Variants in AK4 observed in about 807,000 individuals in gnomAD.
AK4 encodes adenylate kinase 4, mitochondrial.
A neutral mutation model predicts 24.6 loss-of-function variants in AK4; 13 were observed. The observed-to-expected ratio is 0.53, with a 90% CI of 0.34 to 0.84. AK4 has a LOEUF of 0.84. AK4 is among the 40% of genes least tolerant of loss of function. The pLI, the probability that AK4 is intolerant of heterozygous loss-of-function variation, is 0.01. For synonymous variants in AK4, 88 were observed against 107.0 expected (o/e 0.82, Z 1.10); for missense variants, 192 against 288.2 (o/e 0.67, Z 2.42).
At chr1:65,152,380 ATATATTTTTTTTTTTTTTTTTTTTTTT>A (rs1649822715) in intron 1 of AK4, among the ~76,000 whole-genome samples, 2 of 44,002 alleles carry the variant, frequency 4.5e-5, no homozygotes, top group Non-Finnish European at 8.7e-5. Context: ...ATATATATAT[ATATATTTTTTTTTTTTTTTTTTTTTTT>A]TTTTTTTTTT....
At chr1:65,154,466 C>G in intron 1 of AK4, 11 of 511,706 alleles carry the variant, frequency 2.1e-5, no homozygotes, top group South Asian at 1.6e-4. Context: ...TCTTGTTGCA[C>G]TCCTGACAGC....
intron 2 of AK4, among the ~76,000 whole-genome samples, chr1:65,200,074 A>G (rs1651615287): frequency 1.3e-5 from 2 of 150,954 alleles, no homozygotes; most frequent in South Asian, 2.1e-4. Context: ...AAGAAAGTGT[A>G]TCTACTTCAC....
At position 65,168,771 on chromosome 1, in the gene AK4, C is replaced by G. The variant is rs113091602; in HGVS notation, c.145+20219C>G. On this transcript the variant is annotated intron_variant, in intron 1 of 4. Coordinates refer to ENST00000327299, the MANE Select transcript of AK4 (RefSeq NM_013410.4). ...ACTCCAGGTTACTCAAATCTGTAGT[C>G]CTGTCCTTTGAGTTGGGCCAGAGAT... Among the ~76,000 whole-genome samples the G allele has an allele frequency of 4.6e-3, 695 of 152,270 alleles. 3 individuals are homozygous for G. Among genetic ancestry groups the G allele is most frequent in the Middle Eastern group, 0.01 (3 of 294 alleles).
At chr1:65,166,395 C>T (rs1650330987) in intron 1 of AK4, among the ~76,000 whole-genome samples, 1 of 151,466 alleles carries the variant, frequency 6.6e-6, no homozygotes, top group African/African-American at 2.4e-5. Context: ...TTTGTAAACC[C>T]CCTATTAGTT....
At chr1:65,151,625 C>T (rs958242685) in intron 1 of AK4, among the ~76,000 whole-genome samples, 13 of 152,148 alleles carry the variant, frequency 8.5e-5, no homozygotes, top group Admixed American at 7.9e-4. Context: ...AGGCAAAGTA[C>T]CTAATGTATA....
intron 2 of AK4, among the ~76,000 whole-genome samples, chr1:65,212,207 C>T (rs184582638): frequency 2.6e-3 from 395 of 152,276 alleles, no homozygotes; most frequent in South Asian, 4.1e-3. Flanking sequence ...ATAAGGGATG[C>T]TCTACAAATG....
intron 3 of AK4, 50 bp downstream of exon 3, chr1:65,218,976 A>C (rs1412189104): frequency 7.0e-7 from 1 of 1,419,426 alleles, no homozygotes; most frequent in African/African-American, 1.5e-5. Flanking sequence ...AAGACAAACA[A>C]TTTCCATTGA....
intron 2 of AK4, among the ~76,000 whole-genome samples, chr1:65,207,097 T>G (rs1315092022): frequency 6.6e-6 from 1 of 152,238 alleles, no homozygotes; most frequent in East Asian, 1.9e-4. Flanking sequence ...ACTTGTGGTT[T>G]AAAACCAAAT....
At chr1:65,205,961 C>T (rs1394148461) in intron 2 of AK4, among the ~76,000 whole-genome samples, 1 of 152,190 alleles carries the variant, frequency 6.6e-6, no homozygotes, top group African/African-American at 2.4e-5. Flanking sequence ...GGCCCTTGCA[C>T]TTACTGTTCC....
At chr1:65,170,943 TTG>T (rs1273912911) in intron 1 of AK4, among the ~76,000 whole-genome samples, 3 of 149,534 alleles carry the variant, frequency 2.0e-5, no homozygotes, top group African/African-American at 7.5e-5. Flanking sequence ...TTGGTTTGTC[TTG>T]TCTTCTTCCT....
chr1:65,183,795 T>C (rs1650995310), intron 1 of AK4, among the ~76,000 whole-genome samples: 1 of 152,080 alleles, frequency 6.6e-6, no homozygotes. Context: ...CTTAAGATGA[T>C]GCAGAATGTG....
At chr1:65,223,349 C>G (rs150474185) in intron 3 of AK4, among the ~76,000 whole-genome samples, 2,385 of 152,002 alleles carry the variant, frequency 0.016, 25 homozygotes, top group Non-Finnish European at 0.025. Flanking sequence ...CCACCACACC[C>G]GGCTAATTTT....
chr1:65,153,387 A>G (rs953935505), intron 1 of AK4, among the ~76,000 whole-genome samples: 9 of 152,054 alleles, frequency 5.9e-5, no homozygotes, highest in Admixed American at 3.3e-4. Flanking sequence ...GTCTTACCTC[A>G]GCCCCTTAAG....
intron 1 of AK4, among the ~76,000 whole-genome samples, chr1:65,154,122 GAGC>G (rs1157356374): frequency 6.6e-6 from 1 of 152,202 alleles, no homozygotes; most frequent in Non-Finnish European, 1.5e-5. Flanking sequence ...TGACTCAGGT[GAGC>G]AAGAGGGAGA....
chr1:65,225,563 C>T (rs973816516), intron 4 of AK4, among the ~76,000 whole-genome samples: 2 of 152,128 alleles, frequency 1.3e-5, no homozygotes, highest in African/African-American at 4.8e-5. Flanking sequence ...ACATGCAAGT[C>T]AAACAAAACT....
At chr1:65,148,699 G>A (rs1649656449) in intron 1 of AK4, 147 bp downstream of exon 1, 1 of 1,205,802 alleles carries the variant, frequency 8.3e-7, no homozygotes, top group Non-Finnish European at 1.1e-6. Flanking sequence ...GCATGCAGCT[G>A]GCGGCCGCGC....
intron 3 of AK4, among the ~76,000 whole-genome samples, chr1:65,223,868 G>A (rs1015338663): frequency 6.6e-5 from 10 of 152,076 alleles, no homozygotes; most frequent in Non-Finnish European, 1.0e-4. Context: ...ATGGTGGCAG[G>A]CACCTGTAAT....
At chr1:65,147,797 A>G (rs1344462619), upstream of AK4, 3 of 152,508 alleles carry the variant, frequency 2.0e-5, no homozygotes, top group East Asian at 5.8e-4. Context: ...GGCGGCGGGC[A>G]GCGGCGGCAG....
Position 65,226,274 on chromosome 1 carries a change from TTGCAGCA to T in AK4, c.*99_*105del. The T allele has an allele frequency of 1.1e-6, 1 of 941,556 alleles. No individual in the cohort carries two copies. The highest frequency in any genetic ancestry group is 1.6e-6 in the Non-Finnish European group (1 of 637,950). 58.3% of individuals were successfully genotyped at this position (941,556 alleles called of 1,614,324 possible). ...CAAATTAGAAGCTAGCTGAGGTAGC[TTGCAGCA>T]TCTTTTCTAGTTGAAATGGTGAACT... On this transcript the variant is annotated 3_prime_UTR_variant, in exon 5 of 5. Transcript: ENST00000327299.
Sources: gnomAD v4.1 joint callset for allele counts (sites outside exome capture counted in the v4.1 genomes callset) on GRCh38, gnomAD v4.1.1 for gene constraint, MANE v1.5 for transcripts, NCBI Gene and HGNC (gene_info 2026-07-23, HGNC 2026-07-21) for gene names.